Variants in ZNF90 observed in about 807,000 individuals in gnomAD.
ZNF90 encodes zinc finger protein HTF9.
ZNF90 carries 11 observed loss-of-function variants against 12.0 expected under a neutral mutation model. The observed-to-expected ratio is 0.92, with a 90% CI of 0.58 to 1.52. The LOEUF is 1.52. ZNF90 is among the 40% of genes most tolerant of loss of function. The pLI is 0.00. For missense variants in ZNF90, 765 were observed against 711.5 expected (o/e 1.08, Z -0.86); for synonymous variants, 232 against 240.1 (o/e 0.97, Z 0.31).
chr19:20,087,870 G>GCGGGCAGGAA (rs2088871493), intron 1 of ZNF90, among the ~76,000 whole-genome samples: 1 of 152,134 alleles, frequency 6.6e-6, no homozygotes, highest in East Asian at 1.9e-4. Flanking sequence ...TTGTTCTCTG[G>GCGGGCAGGAA]TGGACAGGAA....
intron 1 of ZNF90, among the ~76,000 whole-genome samples, chr19:20,084,076 T>C (rs971842195): frequency 2.6e-5 from 4 of 151,972 alleles, no homozygotes; most frequent in African/African-American, 4.8e-5. Flanking sequence ...TTCTTTTTTT[T>C]TTTTTGAGAC....
chr19:20,117,011 A>T, intron 3 of ZNF90, among the ~76,000 whole-genome samples: 1 of 103,460 alleles, frequency 9.7e-6, no homozygotes. Flanking sequence ...GGCAACTTAC[A>T]TTTGTGTGTG....
intron 1 of ZNF90, among the ~76,000 whole-genome samples, chr19:20,085,296 TTGGCCGAGACTGGAGTGCAG>T (rs142039835): frequency 0.063 from 9,394 of 150,214 alleles, 873 homozygotes; most frequent in African/African-American, 0.2. Flanking sequence ...GTCTCGCTCT[TTGGCCGAGACTGGAGTGCAG>T]TGGCCCGATC....
At chr19:20,094,862 T>C (rs1555703083) in intron 1 of ZNF90, among the ~76,000 whole-genome samples, 2 of 152,292 alleles carry the variant, frequency 1.3e-5, no homozygotes, top group East Asian at 3.9e-4. Flanking sequence ...AAAAGGTACA[T>C]GTACCCTGAC....
intron 1 of ZNF90, among the ~76,000 whole-genome samples, chr19:20,101,251 G>T (rs1471470992): frequency 1.3e-5 from 2 of 152,184 alleles, no homozygotes; most frequent in Non-Finnish European, 2.9e-5. Flanking sequence ...CTGAACACTA[G>T]TCGCTGGGTT....
At chr19:20,113,130 TTGTGTCACTTG>T (rs1252202178) in intron 3 of ZNF90, among the ~76,000 whole-genome samples, 1 of 152,196 alleles carries the variant, frequency 6.6e-6, no homozygotes, top group Non-Finnish European at 1.5e-5. Context: ...CCCTGTAGTT[TTGTGTCACTTG>T]TGTGTTTGTT....
chr19:20,096,370 G>A (rs1032172335), intron 1 of ZNF90, among the ~76,000 whole-genome samples: 15 of 152,158 alleles, frequency 9.9e-5, no homozygotes, highest in Admixed American at 6.5e-5. Flanking sequence ...CACCAAACAG[G>A]CTTTGTGTGA....
rs782181545 is a variant in ZNF90, at chr19:20,104,350, C to G, written c.115C>G (p.His39Asp). ...YRDVMLENYR[H>D]LVFLGIVVTK... ...GGATGTGATGTTAGAGAACTACAGA[C>G]ACCTGGTCTTCCTTGGTGAGGATAA... The change falls in exon 2 of 4, where the codon CAC becomes GAC. Residue 39 changes from histidine (H) to aspartate (D), a missense_variant. By Grantham distance (81) the His-to-Asp change is moderately conservative. Transcript: ENST00000418063. The G allele has an allele frequency of 1.2e-6, 2 of 1,613,630 alleles. No individual in the cohort carries two copies. The highest frequency in any genetic ancestry group is 2.7e-5 in the African/African-American group (2 of 75,032).
In ZNF90 at chr19:20,118,539, A is replaced by T; in HGVS notation, c.985A>T (p.Ser329Cys). The T allele has an allele frequency of 6.2e-7, 1 of 1,613,196 alleles. No homozygotes were observed. Among genetic ancestry groups the T allele is most frequent in the South Asian group, 1.1e-5 (1 of 90,984 alleles). Residue 329 changes from serine to cysteine, a missense_variant, in exon 4 of 4, where the codon AGT (serine) becomes TGT (cysteine). Transcript: ENST00000418063. ...GKAFKLSSIL[S>C]THKRIHTGEK... ...AGCCTTCAAGCTCTCCTCAATCCTT[A>T]GTACACATAAGAGAATCCATACTGG...
chr19:20,104,379 G>A lies in ZNF90; in HGVS notation c.130+14G>A, dbSNP rs1452456578. The A allele has an allele frequency of 6.2e-7, 1 of 1,606,282 alleles. No individual in the cohort carries two copies. Among genetic ancestry groups the A allele is most frequent in the Non-Finnish European group, 8.5e-7 (1 of 1,177,166 alleles). On this transcript the variant is annotated intron_variant, in intron 2 of 3. Coordinates refer to ENST00000418063, the MANE Select transcript of ZNF90 (RefSeq NM_007138.2). ...TGGTCTTCCTTGGTGAGGATAAGTG[G>A]AATACATAATTCATAATATACCCTA...
chr19:20,090,474 A>G (rs2122485914), intron 1 of ZNF90, among the ~76,000 whole-genome samples: 1 of 152,282 alleles, frequency 6.6e-6, no homozygotes, highest in Admixed American at 6.5e-5. Flanking sequence ...ACACAGCTTT[A>G]TTCTGGAATG....
intron 3 of ZNF90, among the ~76,000 whole-genome samples, chr19:20,113,046 A>G (rs1339575178): frequency 2.6e-5 from 4 of 152,174 alleles, no homozygotes; most frequent in Admixed American, 2.6e-4. Context: ...GTGTGGAGCA[A>G]AATTAAATAT....
intron 3 of ZNF90, among the ~76,000 whole-genome samples, chr19:20,106,070 TAA>T (rs1239778439): frequency 7.9e-6 from 1 of 125,958 alleles, no homozygotes; most frequent in Non-Finnish European, 1.7e-5. Flanking sequence ...TTTTTTTTGG[TAA>T]AGAGTTTTTA....
chr19:20,105,480 G>C (rs1458745983), intron 3 of ZNF90, among the ~76,000 whole-genome samples, 164 bp downstream of exon 3: 2 of 152,158 alleles, frequency 1.3e-5, no homozygotes, highest in East Asian at 3.8e-4. Flanking sequence ...CTCACAAAGG[G>C]ACATCTTCTG....
At position 20,118,072 on chromosome 19, in the gene ZNF90, T is replaced by C. The variant is rs2089156568; in HGVS notation, c.518T>C (p.Phe173Ser). ...ATAAGAGATACTGGAAAAAAACCTTTCAAATGTATAGAATGTGGCAAAGCT... is the reference window on the plus strand; with the variant it reads ...ATAAGAGATACTGGAAAAAAACCTTCCAAATGTATAGAATGTGGCAAAGCT... ...HKIRDTGKKP[F>S]KCIECGKAFN... Residue 173 changes from phenylalanine (F) to serine (S), a missense_variant, in exon 4 of 4, where the codon TTC becomes TCC. By Grantham distance (155) the Phe-to-Ser change is radical. Coordinates refer to ENST00000418063, the MANE Select transcript of ZNF90 (RefSeq NM_007138.2). 1 of 1,613,288 alleles carries C rather than the reference T, an allele frequency of 6.2e-7. No homozygotes were observed. Among genetic ancestry groups the C allele is most frequent in the Non-Finnish European group, 8.5e-7 (1 of 1,179,554 alleles).
At chr19:20,103,564 T>C (rs1169740247) in intron 1 of ZNF90, among the ~76,000 whole-genome samples, 1 of 152,236 alleles carries the variant, frequency 6.6e-6, no homozygotes, top group Non-Finnish European at 1.5e-5. Context: ...AGTTAATTAT[T>C]TTAAGTATCT....
In ZNF90 at chr19:20,119,123, C is replaced by A. The variant is rs1190589184; in HGVS notation, c.1569C>A (p.Val523=). Reference sequence around the variant, plus strand: ...GCAAAGCCTTCAAGCGCTCCTCAGTCCTTAGTAAACATAAGATAATTCATA... The same window carrying A: ...GCAAAGCCTTCAAGCGCTCCTCAGTACTTAGTAAACATAAGATAATTCATA... ...ECGKAFKRSS[V]LSKHKIIHTG... Residue 523 remains valine (V), a synonymous_variant, in exon 4 of 4, where the codon GTC becomes GTA. Transcript: ENST00000418063. 11 of 1,612,550 alleles carry A rather than the reference C, an allele frequency of 6.8e-6. No homozygotes were observed. Among genetic ancestry groups the A allele is most frequent in the Non-Finnish European group, 9.3e-6 (11 of 1,179,548 alleles).
intron 3 of ZNF90, among the ~76,000 whole-genome samples, chr19:20,110,249 AAT>A (rs1452491514): frequency 2.6e-5 from 4 of 152,034 alleles, no homozygotes; most frequent in Admixed American, 2.0e-4. Flanking sequence ...TGGATTTTCA[AAT>A]ATGTTTTCCA....
Position 20,114,896 on chromosome 19 carries a change from TTCTC to T in ZNF90, c.227-2881_227-2878del, listed in dbSNP as rs1291565413. Among the ~76,000 whole-genome samples, 10 of 152,304 alleles carry T rather than the reference TTCTC, an allele frequency of 6.6e-5. No individual in the cohort carries two copies. The East Asian group carries it at 7.7e-4, about 12-fold the overall frequency. Reference sequence around the variant, plus strand: ...CTGAAATAGCCTATTATAATTATATTTCTCTCTATGTGTTTATTCCGTTTTCTTA... The same window carrying T: ...CTGAAATAGCCTATTATAATTATATTTCTATGTGTTTATTCCGTTTTCTTA... On this transcript the variant is annotated intron_variant, in intron 3 of 3. Coordinates refer to ENST00000418063, the MANE Select transcript of ZNF90 (RefSeq NM_007138.2).
Sources: gnomAD v4.1 joint callset for allele counts (sites outside exome capture counted in the v4.1 genomes callset) on GRCh38, gnomAD v4.1.1 for gene constraint, MANE v1.5 for transcripts, NCBI Gene and HGNC (gene_info 2026-07-23, HGNC 2026-07-21) for gene names.